PIWIL1: variants seen among roughly 807,000 people sequenced by gnomAD.
PIWIL1 encodes the protein piwi-like protein 1.
In PIWIL1, 73 loss-of-function variants were observed where a neutral mutation model predicts 114.4. That is an observed-to-expected ratio of 0.64 (90% CI 0.53 to 0.78). The LOEUF is 0.78. Among genes scored for constraint, PIWIL1 ranks in the 30% least tolerant of loss-of-function variants. The pLI is 0.00. For synonymous variants in PIWIL1, 375 were observed against 369.0 expected, an observed-to-expected ratio of 1.02 and a Z score of -0.19; for missense variants, 723 against 1,063.1, an observed-to-expected ratio of 0.68 and a Z score of 4.45.
intron 18 of PIWIL1, among the ~76,000 whole-genome samples, chr12:130,364,395 C>G (rs2073597892): frequency 6.6e-6 from 1 of 152,208 alleles, no homozygotes; most frequent in Non-Finnish European, 1.5e-5. Context: ...TTCCTTATTT[C>G]TACTAACGGG....
At chr12:130,346,912 G>A (rs772883970) in intron 5 of PIWIL1, 29 bp from the exon 6 acceptor site, 4 of 1,602,756 alleles carry the variant, frequency 2.5e-6, no homozygotes, top group Non-Finnish European at 3.4e-6. Flanking sequence ...AGGATTTAAA[G>A]TTTGGGTTTT....
intron 19 of PIWIL1, among the ~76,000 whole-genome samples, chr12:130,369,268 A>G (rs1267948903): frequency 1.3e-5 from 2 of 152,164 alleles, no homozygotes; most frequent in South Asian, 2.1e-4. Context: ...TGGTGTATAT[A>G]TACCACATTT....
downstream of PIWIL1, among the ~76,000 whole-genome samples, chr12:130,376,220 T>G (rs1388625372): frequency 2.6e-5 from 4 of 152,210 alleles, no homozygotes; most frequent in Admixed American, 2.0e-4. Flanking sequence ...CTGACACTCT[T>G]CAATTACTGA....
chr12:130,424,390 G>A, the PIWIL1 span: 181 of 1,232,570 alleles, frequency 1.5e-4, no homozygotes, highest in African/African-American at 2.0e-4. The surrounding 1 kb of genome is among the most constrained non-coding windows in gnomAD (Gnocchi z 9.8). Flanking sequence ...AGCGTCCGCC[G>A]CCGGGCCAGC....
intron 7 of PIWIL1, among the ~76,000 whole-genome samples, 183 bp downstream of exon 7, chr12:130,348,366 G>A (rs567834600): frequency 2.6e-5 from 4 of 152,198 alleles, no homozygotes; most frequent in Admixed American, 6.5e-5. Flanking sequence ...AAAAAATCAC[G>A]TAATTTACCT....
intron 19 of PIWIL1, among the ~76,000 whole-genome samples, chr12:130,370,926 G>A (rs1324897601): frequency 1.3e-5 from 2 of 152,164 alleles, no homozygotes; most frequent in East Asian, 3.8e-4. Flanking sequence ...GTTCTGCTGG[G>A]AGGCATCATG....
the PIWIL1 span, chr12:130,422,504 G>A: frequency 8.1e-6 from 13 of 1,613,094 alleles, no homozygotes; most frequent in Middle Eastern, 1.7e-4. The surrounding 1 kb of genome is among the most constrained non-coding windows in gnomAD (Gnocchi z 5.2). Flanking sequence ...GCGCTGCCAC[G>A]GGGAAACCTC....
At chr12:130,357,580 GT>G in intron 14 of PIWIL1, 27 bp downstream of exon 14, 1 of 1,506,076 alleles carries the variant, frequency 6.6e-7, no homozygotes, top group Non-Finnish European at 9.2e-7. Context: ...CATATAGGCA[GT>G]TTTCGGTGAA....
chr12:130,407,762 G>A, the PIWIL1 span: 314 of 1,614,128 alleles, frequency 1.9e-4, no homozygotes, highest in African/African-American at 2.5e-4. Flanking sequence ...CTCTGGGGTC[G>A]TAGTCATACA....
At chr12:130,369,898 C>T (rs924738215) in intron 19 of PIWIL1, among the ~76,000 whole-genome samples, 14 of 152,122 alleles carry the variant, frequency 9.2e-5, no homozygotes, top group African/African-American at 2.7e-4. Context: ...AATTAGATCC[C>T]ATTTGTCAAT....
rs1593087746 is a variant in PIWIL1, at chr12:130,345,690, A to G, written c.191-63A>G. On this transcript the variant is annotated intron_variant, in intron 3 of 20. Transcript: ENST00000245255. ...GGATTACACATAATAGCACTATGGG[A>G]GTTAATATTGTCATCCTTTATTTCG... 8 of 1,557,404 alleles carry G rather than the reference A, an allele frequency of 5.1e-6. No homozygotes were observed. In the East Asian group the frequency reaches 1.8e-4, roughly 35 times the overall value.
chr12:130,392,360 C>CA, the PIWIL1 span, among the ~76,000 whole-genome samples: 7 of 116,768 alleles, frequency 6.0e-5, 1 homozygote, highest in Admixed American at 8.2e-5. Flanking sequence ...TGTGATGACC[C>CA]GGTCACCGTC....
the PIWIL1 span, among the ~76,000 whole-genome samples, chr12:130,393,655 A>G: frequency 6.6e-6 from 1 of 150,962 alleles, no homozygotes; most frequent in Non-Finnish European, 1.5e-5. Context: ...CCGGTATTGG[A>G]TTTTTTTGTG....
chr12:130,419,174 G>T, the PIWIL1 span, among the ~76,000 whole-genome samples: 3 of 152,204 alleles, frequency 2.0e-5, no homozygotes. This position sits in a 1 kb window ranked among gnomAD's most constrained non-coding sequence, Gnocchi z 4.3. Context: ...ACTGGACTGG[G>T]CAGTTGGGGG....
intron 2 of PIWIL1, 50 bp downstream of exon 2, chr12:130,342,719 C>G (rs1328864463): frequency 7.2e-7 from 1 of 1,392,168 alleles, no homozygotes; most frequent in Non-Finnish European, 1.0e-6. Context: ...GACTCTTGAT[C>G]AGCCTAGGCT....
chr12:130,358,393 A>T (rs2073422113), intron 14 of PIWIL1, among the ~76,000 whole-genome samples: 1 of 151,978 alleles, frequency 6.6e-6, no homozygotes, highest in South Asian at 2.1e-4. Context: ...CTGAAATCAA[A>T]CCCCTGGGTT....
the PIWIL1 span, among the ~76,000 whole-genome samples, chr12:130,417,369 A>C: frequency 6.6e-6 from 1 of 152,242 alleles, no homozygotes; most frequent in Non-Finnish European, 1.5e-5. Flanking sequence ...TTGAATAAAG[A>C]TGTGGTGCGT....
chr12:130,388,899 A>G, the PIWIL1 span, among the ~76,000 whole-genome samples: 1 of 152,024 alleles, frequency 6.6e-6, no homozygotes, highest in African/African-American at 2.4e-5. Context: ...CTTCTTTCCA[A>G]TCTTTATGCT....
At chr12:130,370,303 A>G (rs1480680765) in intron 19 of PIWIL1, among the ~76,000 whole-genome samples, 1 of 151,422 alleles carries the variant, frequency 6.6e-6, no homozygotes, top group Non-Finnish European at 1.5e-5. Context: ...GGCTCTCTTT[A>G]TCTGTAGGTC....
Sources: gnomAD v4.1 joint callset for allele counts (sites outside exome capture counted in the v4.1 genomes callset) on GRCh38, gnomAD v4.1.1 for gene constraint, Gnocchi (gnomAD v3.1) non-coding constraint, MANE v1.5 for transcripts, NCBI Gene and HGNC (gene_info 2026-07-23, HGNC 2026-07-21) for gene names.